MYO1D: variants seen among roughly 807,000 people sequenced by gnomAD.
MYO1D encodes the protein myosin ID, also known as unconventional myosin-Id.
A neutral mutation model predicts 122.0 loss-of-function variants in MYO1D; 83 were observed. The observed-to-expected ratio is 0.68, with a 90% CI of 0.57 to 0.82. The LOEUF is 0.82. MYO1D is among the 40% of genes least tolerant of loss of function. MYO1D has a pLI of 0.00. For missense variants in MYO1D, 1,157 were observed against 1,269.5 expected (o/e 0.91, Z 1.35); for synonymous variants, 464 against 446.9 (o/e 1.04, Z -0.48).
At chr17:32,875,501 G>C (rs980829334) in intron 1 of MYO1D, among the ~76,000 whole-genome samples, 11 of 152,180 alleles carry the variant, frequency 7.2e-5, no homozygotes, top group African/African-American at 2.7e-4. Flanking sequence ...ATCACAGCAA[G>C]AATGCAGTGG....
intron 16 of MYO1D, among the ~76,000 whole-genome samples, chr17:32,678,479 A>G (rs900594616): frequency 6.2e-5 from 9 of 146,034 alleles, no homozygotes; most frequent in African/African-American, 1.0e-4. Flanking sequence ...TCATTGTTCA[A>G]TTCCCACCTA....
intron 21 of MYO1D, among the ~76,000 whole-genome samples, chr17:32,529,402 G>C (rs1910443919): frequency 6.6e-6 from 1 of 152,082 alleles, no homozygotes; most frequent in South Asian, 2.1e-4. Context: ...AGGGGCGGGT[G>C]GGGAGGGCAG....
chr17:32,527,302 G>A (rs1488292082), intron 21 of MYO1D, among the ~76,000 whole-genome samples: 1 of 152,238 alleles, frequency 6.6e-6, no homozygotes, highest in Non-Finnish European at 1.5e-5. Flanking sequence ...GCATGCTGGC[G>A]AGAGGACTGG....
chr17:32,741,743 T>C (rs2089774450), intron 13 of MYO1D, among the ~76,000 whole-genome samples: 1 of 152,154 alleles, frequency 6.6e-6, no homozygotes, highest in Non-Finnish European at 1.5e-5. Flanking sequence ...ATTCAACATA[T>C]ACCATGGATA....
intron 20 of MYO1D, among the ~76,000 whole-genome samples, chr17:32,606,510 G>C (rs562800719): frequency 1.3e-5 from 2 of 152,264 alleles, no homozygotes; most frequent in South Asian, 4.2e-4. Context: ...TGACCAAGTG[G>C]AGTTTATCTA....
intron 12 of MYO1D, among the ~76,000 whole-genome samples, chr17:32,748,581 T>A (rs1008036594): frequency 6.6e-6 from 1 of 152,294 alleles, no homozygotes; most frequent in African/African-American, 2.4e-5. Context: ...ATGCCTATAC[T>A]CTTCACTAAA....
rs1408802790 is a variant in MYO1D, at chr17:32,514,787, G to GGCA, written c.2865-19875_2865-19873dup. Reference sequence around the variant, plus strand: ...CATCCGGGAGTCAGACATTCCAGCTGGCAGCAGCAGCAGGAAAGAGATGCG... The same window carrying GGCA: ...CATCCGGGAGTCAGACATTCCAGCTGGCAGCAGCAGCAGCAGGAAAGAGATGCG... On this transcript the variant is annotated intron_variant, in intron 21 of 21. Coordinates refer to ENST00000318217, the MANE Select transcript of MYO1D (RefSeq NM_015194.3). Among the ~76,000 whole-genome samples, 9 of 152,322 alleles carry GGCA rather than the reference G, an allele frequency of 5.9e-5. No individual in the cohort carries two copies. In the East Asian group the frequency reaches 1.5e-3, roughly 26 times the overall value.
At chr17:32,591,644 C>G (rs964349310) in intron 21 of MYO1D, among the ~76,000 whole-genome samples, 1 of 150,592 alleles carries the variant, frequency 6.6e-6, no homozygotes, top group Non-Finnish European at 1.5e-5. Flanking sequence ...TTCAAAAACA[C>G]AAATCTTTGG....
intron 21 of MYO1D, among the ~76,000 whole-genome samples, chr17:32,597,295 T>C (rs1483934792): frequency 1.3e-5 from 2 of 152,240 alleles, no homozygotes; most frequent in Admixed American, 6.5e-5. Flanking sequence ...TCTTTCTCCC[T>C]GTACTGAGGT....
intron 1 of MYO1D, among the ~76,000 whole-genome samples, chr17:32,864,344 A>G (rs551470622): frequency 6.6e-6 from 1 of 152,088 alleles, no homozygotes; most frequent in South Asian, 2.1e-4. Context: ...TTGCTGTGTA[A>G]AGGCATGTCC....
intron 16 of MYO1D, among the ~76,000 whole-genome samples, chr17:32,678,984 T>C (rs12947487): frequency 0.39 from 57,250 of 148,144 alleles, 12,716 homozygotes; most frequent in East Asian, 0.53. Context: ...CATTGTGGTT[T>C]TGATTTGCAT....
intron 1 of MYO1D, among the ~76,000 whole-genome samples, chr17:32,781,896 C>T (rs2090243118): frequency 6.6e-6 from 1 of 152,134 alleles, no homozygotes; most frequent in African/African-American, 2.4e-5. Context: ...ATATGTGGCC[C>T]AGAGCTTAGA....
intron 21 of MYO1D, among the ~76,000 whole-genome samples, chr17:32,507,244 TA>T (rs57888406): frequency 4.8e-5 from 7 of 147,146 alleles, no homozygotes; most frequent in Non-Finnish European, 6.0e-5. Flanking sequence ...TTACAAAAAA[TA>T]AAAAAAAAAC....
intron 19 of MYO1D, among the ~76,000 whole-genome samples, chr17:32,643,384 C>CT (rs900499733): frequency 6.6e-6 from 1 of 152,090 alleles, no homozygotes; most frequent in Non-Finnish European, 1.5e-5. Flanking sequence ...CTAAAATTCT[C>CT]TTTTTTTGTT....
chr17:32,538,961 T>G (rs572184838), intron 21 of MYO1D, among the ~76,000 whole-genome samples: 10 of 151,528 alleles, frequency 6.6e-5, no homozygotes, highest in Non-Finnish European at 8.8e-5. Flanking sequence ...GGGTGGGGGT[T>G]GGGGGAGAGA....
At chr17:32,538,566 T>C (rs907076636) in intron 21 of MYO1D, among the ~76,000 whole-genome samples, 4 of 151,780 alleles carry the variant, frequency 2.6e-5, no homozygotes, top group Non-Finnish European at 4.4e-5. Context: ...TCCAAAAGCA[T>C]TGGGATTATA....
chr17:32,526,305 T>G (rs1219821068), intron 21 of MYO1D, among the ~76,000 whole-genome samples: 1 of 152,200 alleles, frequency 6.6e-6, no homozygotes, highest in Non-Finnish European at 1.5e-5. Context: ...AAGAACTCCC[T>G]CTCTTCCTTT....
chr17:32,629,243 T>G (rs1179987797), intron 20 of MYO1D, among the ~76,000 whole-genome samples: 1 of 152,018 alleles, frequency 6.6e-6, no homozygotes, highest in Non-Finnish European at 1.5e-5. Context: ...AATGAACAGG[T>G]TACGCACACA....
At chr17:32,828,774 G>A (rs562881002) in intron 1 of MYO1D, among the ~76,000 whole-genome samples, 1 of 152,310 alleles carries the variant, frequency 6.6e-6, no homozygotes, top group South Asian at 2.1e-4. Flanking sequence ...TAAGAGGCAA[G>A]GTGGTGCTAG....
Sources: gnomAD v4.1 joint callset for allele counts (sites outside exome capture counted in the v4.1 genomes callset) on GRCh38, gnomAD v4.1.1 for gene constraint, MANE v1.5 for transcripts, NCBI Gene and HGNC (gene_info 2026-07-23, HGNC 2026-07-21) for gene names.